LARP4: variants seen among roughly 807,000 people sequenced by gnomAD.
The protein encoded by LARP4 is la-related protein 4.
In LARP4, 29 loss-of-function variants were observed where a neutral mutation model predicts 92.9. The ratio of observed to expected loss-of-function variants is 0.31; its 90% CI spans 0.23 to 0.43. LARP4 has a LOEUF of 0.43. LARP4 is among the 20% of genes least tolerant of loss of function. The pLI, the probability that LARP4 is intolerant of heterozygous loss-of-function variation, is 1.00. For missense variants in LARP4, 732 were observed against 860.0 expected (o/e 0.85, Z 1.86); for synonymous variants, 279 against 284.1 (o/e 0.98, Z 0.18).
At chr12:50,469,944 G>A (rs1593454173) in intron 13 of LARP4, among the ~76,000 whole-genome samples, 1 of 123,888 alleles carries the variant, frequency 8.1e-6, no homozygotes, top group African/African-American at 2.6e-5. Context: ...AAATAGGCAG[G>A]CACATTGGCT....
intron 8 of LARP4, among the ~76,000 whole-genome samples, chr12:50,449,389 T>C (rs182133960): frequency 4.3e-4 from 66 of 152,334 alleles, no homozygotes; most frequent in Admixed American, 1.4e-3. Context: ...TATTCTTGAG[T>C]GCAGTTTAAC....
intron 1 of LARP4, among the ~76,000 whole-genome samples, chr12:50,410,585 T>G (rs1202596597): frequency 6.6e-6 from 1 of 151,728 alleles, no homozygotes; most frequent in African/African-American, 2.4e-5. Flanking sequence ...TTTGTATTTT[T>G]AGTAGAGACA....
intron 2 of LARP4, among the ~76,000 whole-genome samples, chr12:50,428,440 T>C (rs1378780932): frequency 1.3e-5 from 2 of 152,212 alleles, no homozygotes; most frequent in South Asian, 2.1e-4. Context: ...ATAATTCTCA[T>C]TTATATCTAA....
intron 13 of LARP4, among the ~76,000 whole-genome samples, chr12:50,467,875 A>G (rs1956363259): frequency 6.6e-6 from 1 of 152,012 alleles, no homozygotes; most frequent in African/African-American, 2.4e-5. Context: ...TTTAATTATA[A>G]CAGTACATGT....
At chr12:50,408,187 C>CTTTTTTTTTT (rs71083565) in intron 1 of LARP4, among the ~76,000 whole-genome samples, 1 of 69,264 alleles carries the variant, frequency 1.4e-5, no homozygotes. Context: ...GGATTTTCTG[C>CTTTTTTTTTT]TTTTTTTTTT....
intron 1 of LARP4, among the ~76,000 whole-genome samples, chr12:50,423,113 C>T (rs1948117022): frequency 6.6e-6 from 1 of 152,042 alleles, no homozygotes; most frequent in African/African-American, 2.4e-5. Flanking sequence ...AGCCACCGCG[C>T]CTGGCTGGAA....
chr12:50,402,690 C>G (rs1944090466), intron 1 of LARP4: 1 of 437,682 alleles, frequency 2.3e-6, no homozygotes, highest in Admixed American at 2.6e-5. Context: ...AAAACCGAGC[C>G]CCAGAGGTTA....
chr12:50,452,906 C>T (rs892006431), intron 8 of LARP4, among the ~76,000 whole-genome samples: 3 of 151,760 alleles, frequency 2.0e-5, no homozygotes, highest in South Asian at 2.1e-4. Flanking sequence ...GAGGTTTTTA[C>T]TCTGCTTGTT....
At position 50,475,681 on chromosome 12, in the gene LARP4, A is replaced by G. The variant is rs1453272444; in HGVS notation, c.1992A>G (p.Pro664=). ...CTCCTGAGAACTCCGTTGAGAAACCACATGAGAAGCCAGAAGCAAGGGCTA... is the reference window on the plus strand; with the variant it reads ...CTCCTGAGAACTCCGTTGAGAAACCGCATGAGAAGCCAGAAGCAAGGGCTA... ...NGAPENSVEK[P]HEKPEARASK... The change falls in exon 16 of 16, where the codon CCA becomes CCG. Residue 664 remains proline, a synonymous_variant. Transcript: ENST00000398473. 2 of 1,614,144 alleles carry G rather than the reference A, an allele frequency of 1.2e-6. No individual in the cohort carries two copies. Among genetic ancestry groups the G allele is most frequent in the Admixed American group, 1.7e-5 (1 of 60,000 alleles).
At chr12:50,404,612 C>T (rs1944448045) in intron 1 of LARP4, among the ~76,000 whole-genome samples, 2 of 151,454 alleles carry the variant, frequency 1.3e-5, no homozygotes, top group African/African-American at 2.4e-5. Context: ...CCGAGTCTCG[C>T]TCTGAGACCG....
chr12:50,455,218 G>A (rs1433006839), intron 10 of LARP4, among the ~76,000 whole-genome samples: 2 of 152,076 alleles, frequency 1.3e-5, no homozygotes, highest in Non-Finnish European at 2.9e-5. Context: ...TGTATGTTAT[G>A]GCTTGTTGTT....
chr12:50,461,411 C>T (rs1026967412), intron 11 of LARP4, 64 bp downstream of exon 11: 32 of 1,357,080 alleles, frequency 2.4e-5, no homozygotes, highest in East Asian at 4.7e-5. Context: ...AATTGAAGAA[C>T]ATGATCTTCA....
At chr12:50,420,385 T>C (rs911561013) in intron 1 of LARP4, among the ~76,000 whole-genome samples, 5 of 152,184 alleles carry the variant, frequency 3.3e-5, no homozygotes, top group African/African-American at 1.2e-4. Flanking sequence ...ATATATTTTA[T>C]TGGAGTTTCA....
chr12:50,452,591 A>G (rs1379663698), intron 8 of LARP4, among the ~76,000 whole-genome samples: 1 of 151,928 alleles, frequency 6.6e-6, no homozygotes, highest in East Asian at 1.9e-4. Flanking sequence ...CTTCTCTAAC[A>G]CTTCCTGTTG....
At chr12:50,465,371 CAA>C (rs368980753) in intron 12 of LARP4, among the ~76,000 whole-genome samples, 12 of 112,330 alleles carry the variant, frequency 1.1e-4, no homozygotes, top group African/African-American at 1.1e-4. Flanking sequence ...GACTCTGTCT[CAA>C]AAAAAAAAAA....
intron 10 of LARP4, among the ~76,000 whole-genome samples, chr12:50,460,870 A>T (rs781294619): frequency 1.3e-5 from 2 of 152,026 alleles, no homozygotes; most frequent in African/African-American, 4.8e-5. Flanking sequence ...GTGAACCCGG[A>T]AGGCAGAGCT....
chr12:50,446,646 C>T (rs977008884), intron 8 of LARP4, among the ~76,000 whole-genome samples: 1 of 150,378 alleles, frequency 6.6e-6, no homozygotes, highest in Non-Finnish European at 1.5e-5. Context: ...CCAGGCTGGT[C>T]TCGAATTCCT....
intron 1 of LARP4, among the ~76,000 whole-genome samples, chr12:50,405,900 C>G (rs1404441045): frequency 1.3e-5 from 2 of 152,028 alleles, no homozygotes; most frequent in Non-Finnish European, 2.9e-5. Context: ...TAAATAATCT[C>G]TAGATTATTT....
At chr12:50,403,948 G>A (rs1341525968) in intron 1 of LARP4, among the ~76,000 whole-genome samples, 2 of 152,164 alleles carry the variant, frequency 1.3e-5, no homozygotes, top group Admixed American at 6.5e-5. Flanking sequence ...AGGCAGCTGG[G>A]CGCAGTGGCT....
Sources: allele counts gnomAD v4.1 joint callset (sites outside exome capture counted in the v4.1 genomes callset), GRCh38; gene constraint gnomAD v4.1.1; transcripts MANE v1.5; gene names NCBI Gene and HGNC (gene_info 2026-07-23, HGNC 2026-07-21).